The following FBXL14 variants were observed in gnomAD, a reference collection of about 807,000 sequenced individuals.
The protein encoded by FBXL14 is F-box/LRR-repeat protein 14.
In FBXL14, 11 loss-of-function variants were observed where a neutral mutation model predicts 24.5. The observed-to-expected ratio is 0.45, with a 90% CI of 0.28 to 0.74. FBXL14 has a LOEUF of 0.74. Ranked by LOEUF, FBXL14 falls within the 30% of genes least tolerant of loss-of-function variation. FBXL14 has a pLI of 0.12. For missense variants in FBXL14, 384 were observed against 545.6 expected (o/e 0.70, Z 2.95); for synonymous variants, 294 against 240.4 (o/e 1.22, Z -2.06).
At chr12:1,577,593 G>A (rs1028386476) in intron 1 of FBXL14, among the ~76,000 whole-genome samples, 4 of 152,258 alleles carry the variant, frequency 2.6e-5, no homozygotes, top group African/African-American at 4.8e-5. Context: ...AGGAAACAGA[G>A]TGCAGAGTTA....
At chr12:1,584,272 G>C (rs985132682) in intron 1 of FBXL14, among the ~76,000 whole-genome samples, 1 of 152,170 alleles carries the variant, frequency 6.6e-6, no homozygotes, top group African/African-American at 2.4e-5. Context: ...GATTGCTTGA[G>C]CTCAGGAAGT....
chr12:1,591,471 T>C (rs1007070821), intron 1 of FBXL14, among the ~76,000 whole-genome samples: 1 of 152,012 alleles, frequency 6.6e-6, no homozygotes, highest in African/African-American at 2.4e-5. Flanking sequence ...TTATACAAAT[T>C]CACAAACAGT....
At chr12:1,589,462 AAGG>A in intron 1 of FBXL14, among the ~76,000 whole-genome samples, 1 of 129,544 alleles carries the variant, frequency 7.7e-6, no homozygotes, top group African/African-American at 3.2e-5. Flanking sequence ...AAAAGACAGG[AAGG>A]CAGGAAGACA....
chr12:1,576,636 A>G (rs568276472), intron 1 of FBXL14, among the ~76,000 whole-genome samples: 4 of 152,116 alleles, frequency 2.6e-5, no homozygotes, highest in Non-Finnish European at 5.9e-5. Flanking sequence ...CATGGGGCCT[A>G]TCTAGATTGC....
chr12:1,583,224 T>C (rs1049218388), intron 1 of FBXL14, among the ~76,000 whole-genome samples: 3 of 152,278 alleles, frequency 2.0e-5, no homozygotes, highest in African/African-American at 7.2e-5. Flanking sequence ...ATTTTTCTTT[T>C]GTAATAAAAA....
At chr12:1,592,399 G>C (rs2094492562) in intron 1 of FBXL14, among the ~76,000 whole-genome samples, 1 of 151,986 alleles carries the variant, frequency 6.6e-6, no homozygotes, top group African/African-American at 2.4e-5. Context: ...AGGGTGAAAA[G>C]GCCTTTGTAG....
At chr12:1,583,541 A>G (rs2094470924) in intron 1 of FBXL14, among the ~76,000 whole-genome samples, 1 of 152,190 alleles carries the variant, frequency 6.6e-6, no homozygotes, top group Admixed American at 6.5e-5. Context: ...GTCAACTCTT[A>G]CGCCTGGAGG....
intron 1 of FBXL14, among the ~76,000 whole-genome samples, chr12:1,571,823 T>A (rs2094445993): frequency 6.6e-6 from 1 of 152,158 alleles, no homozygotes; most frequent in Non-Finnish European, 1.5e-5. Flanking sequence ...ATGTACTGAG[T>A]GTATCAACTC....
chr12:1,593,505 C>G lies in FBXL14; in HGVS notation c.562G>C (p.Gly188Arg). The change falls in exon 1 of 2, where the codon GGG becomes CGG. Residue 188 changes from glycine to arginine, a missense_variant. Transcript: ENST00000339235. The surrounding 1 kb of genome is among the most constrained non-coding windows in gnomAD (Gnocchi z 7.4). The stretch of plus-strand genomic sequence containing the variant: ...CTGCGCGTCATGCCGGCCAGGTGCC[C>G]GATGCCCACATCCGAAAGGTGGCGG... ...SCRHLSDVGI[G>R]HLAGMTRSAA... 1 of 1,613,736 alleles carries G rather than the reference C, an allele frequency of 6.2e-7. No individual in the cohort carries two copies. Among genetic ancestry groups the G allele is most frequent in the Non-Finnish European group, 8.5e-7 (1 of 1,179,936 alleles).
rs1437825739 is a variant in FBXL14, at chr12:1,594,222, C to T, written c.-156G>A. 3.3e-6 allele frequency: 1 copy of T among 305,848 alleles called. No homozygotes were observed. The highest frequency in any genetic ancestry group is 5.0e-6 in the Non-Finnish European group (1 of 199,704). 18.9% of individuals were successfully genotyped at this position (305,848 alleles called of 1,614,324 possible). The stretch of plus-strand genomic sequence containing the variant: ...CCGGCCCCTCCCCGCCTTCCGGCTC[C>T]GGCCGCCGCCGCCGCTCCTCCTCCT... On this transcript the variant is annotated 5_prime_UTR_variant, in exon 1 of 2. Coordinates refer to ENST00000339235, the MANE Select transcript of FBXL14 (RefSeq NM_152441.3).
At chr12:1,582,795 C>T (rs750837496) in intron 1 of FBXL14, among the ~76,000 whole-genome samples, 4 of 152,176 alleles carry the variant, frequency 2.6e-5, no homozygotes, top group Admixed American at 6.5e-5. Context: ...CCTTTTTTCC[C>T]ACTTCTACAC....
At chr12:1,573,975 A>T (rs996729562) in intron 1 of FBXL14, among the ~76,000 whole-genome samples, 29 of 151,866 alleles carry the variant, frequency 1.9e-4, no homozygotes, top group African/African-American at 6.8e-4. Flanking sequence ...ATTGCACTCC[A>T]GCCTGGGCAA....
At chr12:1,578,825 C>T (rs2094460766) in intron 1 of FBXL14, among the ~76,000 whole-genome samples, 2 of 152,092 alleles carry the variant, frequency 1.3e-5, no homozygotes. Flanking sequence ...TAACTTATCT[C>T]ACAGTTCCCT....
chr12:1,574,581 C>A, intron 1 of FBXL14: 1 of 235,158 alleles, frequency 4.3e-6, no homozygotes, highest in South Asian at 4.4e-5. Flanking sequence ...CAACTGAGTG[C>A]TGGTAAAGGC....
chr12:1,593,221 C>A lies in FBXL14; in HGVS notation c.846G>T (p.Ser282=), dbSNP rs768686738. The part of the protein sequence containing the change: ...MHLAMGSLRL[S]GLDVSFCDKV... ...TGTCACAGAACGAAACATCCAGCCC[C>A]GAGAGGCGCAGGCTGCCCATGGCCA... is the stretch of plus-strand genomic sequence containing the variant. Residue 282 remains serine, a synonymous_variant, in exon 1 of 2, where the codon TCG becomes TCT. Transcript: ENST00000339235. This position sits in a 1 kb window ranked among gnomAD's most constrained non-coding sequence, Gnocchi z 7.4. 1.3e-5 allele frequency: 21 copies of A among 1,612,848 alleles called. No individual in the cohort carries two copies. The highest frequency in any genetic ancestry group is 1.8e-5 in the Non-Finnish European group (21 of 1,180,028).
chr12:1,581,122 T>C (rs1456454996), intron 1 of FBXL14, among the ~76,000 whole-genome samples: 1 of 151,562 alleles, frequency 6.6e-6, no homozygotes, highest in Non-Finnish European at 1.5e-5. Context: ...TCGACCCCTC[T>C]CGACAGTCTT....
intron 1 of FBXL14, among the ~76,000 whole-genome samples, 159 bp from the exon 2 acceptor site, chr12:1,566,969 G>A (rs760202254): frequency 2.0e-5 from 3 of 152,052 alleles, no homozygotes; most frequent in African/African-American, 7.2e-5. Context: ...GCCATCTCCC[G>A]GCTCACTTAA....
At chr12:1,575,109 A>C (rs2094453342) in intron 1 of FBXL14, among the ~76,000 whole-genome samples, 1 of 152,154 alleles carries the variant, frequency 6.6e-6, no homozygotes, top group African/African-American at 2.4e-5. Context: ...GAACAGCCTC[A>C]GGACTCTAAG....
chr12:1,581,477 T>G (rs1397779631), intron 1 of FBXL14, among the ~76,000 whole-genome samples: 5 of 152,186 alleles, frequency 3.3e-5, no homozygotes, highest in African/African-American at 9.7e-5. Context: ...TGGAGAATGT[T>G]GAAGCCAATA....
Sources: allele counts gnomAD v4.1 joint callset (sites outside exome capture counted in the v4.1 genomes callset), GRCh38; gene constraint gnomAD v4.1.1; non-coding constraint Gnocchi (gnomAD v3.1); transcripts MANE v1.5; gene names NCBI Gene and HGNC (gene_info 2026-07-23, HGNC 2026-07-21).